The following DNM1 variants were observed in gnomAD, a reference collection of about 807,000 sequenced individuals.
DNM1 encodes dynamin-1.
Under a neutral mutation model 104.6 loss-of-function variants are expected in DNM1, and 29 were observed. The observed-to-expected ratio is 0.28, with a 90% CI of 0.21 to 0.38. DNM1 has a LOEUF of 0.38. DNM1 is among the 10% of genes least tolerant of loss of function. The pLI, the probability that DNM1 is intolerant of heterozygous loss-of-function variation, is 1.00. For synonymous variants in DNM1, 445 were observed against 475.8 expected (o/e 0.94, Z 0.84); for missense variants, 640 against 1,189.4 (o/e 0.54, Z 6.79).
rs1258585933 is a variant in DNM1 at position 128,234,576 on chromosome 9, G to A, written c.1422+469G>A. Among the ~76,000 whole-genome samples, 3 of 152,284 alleles carry A rather than the reference G, an allele frequency of 2.0e-5. No individual in the cohort carries two copies. The South Asian group carries it at 6.2e-4, about 32-fold the overall frequency. ...TTTAGTACAGACAGGGTTTCACCAC[G>A]TTGGCCAGGCTGGTCTCAAACTCCT... is the stretch of plus-strand genomic sequence containing the variant. On this transcript the variant is annotated intron_variant, in intron 11 of 21. Coordinates refer to ENST00000372923, the MANE Select transcript of DNM1 (RefSeq NM_004408.4).
intron 15 of DNM1, among the ~76,000 whole-genome samples, chr9:128,244,276 G>A (rs1008654095): frequency 2.0e-5 from 3 of 151,856 alleles, no homozygotes; most frequent in East Asian, 1.9e-4. Flanking sequence ...GTGTGTGTCC[G>A]TGTGGGACAT....
chr9:128,226,218 T>C, intron 10 of DNM1: 2 of 1,607,828 alleles, frequency 1.2e-6, no homozygotes, highest in Non-Finnish European at 1.7e-6. Flanking sequence ...CGTCCATTCC[T>C]TGTGGCCACA....
chr9:128,210,779 T>C (rs2502728), intron 1 of DNM1, among the ~76,000 whole-genome samples: 77,406 of 151,868 alleles, frequency 0.51, 22,458 homozygotes, highest in South Asian at 0.68. Flanking sequence ...CTTTTCCATG[T>C]TTCTGTCTAC....
At chr9:128,250,557 G>A (rs1443420210) in intron 20 of DNM1, among the ~76,000 whole-genome samples, 168 bp from the exon 21 acceptor site, 1 of 152,130 alleles carries the variant, frequency 6.6e-6, no homozygotes, top group Non-Finnish European at 1.5e-5. Context: ...GAGCTGGGGC[G>A]TTGGCGCCGC....
At position 128,224,341 on chromosome 9, in the gene DNM1, C is replaced by T. The variant is rs774385257; in HGVS notation, c.1287C>T (p.Asp429=). 6.2e-7 allele frequency: 1 copy of T among 1,614,028 alleles called. No individual in the cohort carries two copies. Among genetic ancestry groups the T allele is most frequent in the African/African-American group, 1.3e-5 (1 of 75,032 alleles). ...GAGAACCGTGTCTCAAGTGTGTGGA[C>T]ATGGTTATCTCGGAGCTAATCAGCA... The part of the protein sequence containing the change: ...KIREPCLKCV[D]MVISELISTV... The change falls in exon 10 of 22, where the codon GAC becomes GAT. Residue 429 remains aspartate, a synonymous_variant. Coordinates refer to ENST00000372923, the MANE Select transcript of DNM1 (RefSeq NM_004408.4). This position sits in a 1 kb window ranked among gnomAD's most constrained non-coding sequence, Gnocchi z 4.3.
chr9:128,238,064 C>T lies in DNM1; in HGVS notation c.1423-1381C>T, dbSNP rs539002249. Among the ~76,000 whole-genome samples the T allele has an allele frequency of 1.5e-3, 230 of 151,288 alleles. 1 individual carries two copies. Among genetic ancestry groups the T allele is most frequent in the Non-Finnish European group, 3.0e-3 (202 of 67,706 alleles). On this transcript the variant is annotated intron_variant, in intron 11 of 21. Transcript: ENST00000372923. ...TGCTGGGATTACAGGCATGAGCCAC[C>T]ATTCCCTGCCCTGTGCATTTTAATG...
At chr9:128,219,023 G>T in intron 3 of DNM1, 26 bp from the exon 4 acceptor site, 6 of 1,611,882 alleles carry the variant, frequency 3.7e-6, no homozygotes, top group Non-Finnish European at 4.2e-6. Flanking sequence ...CTCGCCTTGA[G>T]CCCGCCCTCT....
intron 10 of DNM1, among the ~76,000 whole-genome samples, chr9:128,227,009 C>CTTTTTTTTTTT (rs369464140): frequency 2.0e-5 from 2 of 101,770 alleles, no homozygotes; most frequent in Non-Finnish European, 1.9e-5. Context: ...ATCTCCATTC[C>CTTTTTTTTTTT]TTTTTTTTTT....
At chr9:128,235,234 G>T (rs1835938733) in intron 11 of DNM1, among the ~76,000 whole-genome samples, 1 of 151,988 alleles carries the variant, frequency 6.6e-6, no homozygotes, top group African/African-American at 2.4e-5. Context: ...GGTGGCTCAT[G>T]CCTGTAATCC....
intron 19 of DNM1, 87 bp from the exon 20 acceptor site, chr9:128,250,028 G>C: frequency 6.3e-7 from 1 of 1,598,904 alleles, no homozygotes; most frequent in African/African-American, 1.3e-5. Flanking sequence ...AGCCACACCA[G>C]CTCACAGTCC....
In DNM1 at chr9:128,203,757, C is replaced by T. The variant is rs373421556; in HGVS notation, c.161+126C>T. The T allele has an allele frequency of 5.6e-6, 5 of 890,166 alleles. No homozygotes were observed. The highest frequency in any genetic ancestry group is 3.9e-5 in the East Asian group (1 of 25,572). 55.1% of individuals were successfully genotyped at this position (890,166 alleles called of 1,614,324 possible). A position where few individuals can be genotyped will look rare whatever the true frequency, so the allele number is the denominator to read the frequency against. On this transcript the variant is annotated intron_variant, in intron 1 of 21. Transcript: ENST00000372923. The surrounding 1 kb of genome is among the most constrained non-coding windows in gnomAD (Gnocchi z 5.3). ...CTGCACCCGCGGCCGGCGCGCCCCC[C>T]ACCCCCAGCCGGAGCGAGGAGGCCC...
chr9:128,240,026 G>A lies in DNM1; in HGVS notation c.1557+30G>A. The stretch of plus-strand genomic sequence containing the variant: ...GTACCAGGACTGGGGCTCTCGGCTT[G>A]TGTAGTGAGGGGGCGGAGGGTCCAT... On this transcript the variant is annotated intron_variant, in intron 14 of 21. Coordinates refer to ENST00000372923, the MANE Select transcript of DNM1 (RefSeq NM_004408.4). This position sits in a 1 kb window ranked among gnomAD's most constrained non-coding sequence, Gnocchi z 5.1. The A allele has an allele frequency of 1.2e-6, 2 of 1,613,922 alleles. No homozygotes were observed. Among genetic ancestry groups the A allele is most frequent in the Non-Finnish European group, 1.7e-6 (2 of 1,179,854 alleles).
chr9:128,208,058 CT>C (rs1321513697), intron 1 of DNM1, among the ~76,000 whole-genome samples: 14 of 123,212 alleles, frequency 1.1e-4, no homozygotes, highest in South Asian at 1.1e-3. Flanking sequence ...TCTTTTTTTT[CT>C]TTTTTTTTTC....
chr9:128,205,118 G>A (rs999391152), intron 1 of DNM1, among the ~76,000 whole-genome samples: 2 of 152,188 alleles, frequency 1.3e-5, no homozygotes, highest in Non-Finnish European at 2.9e-5. Context: ...GGCTCCTGCA[G>A]AGCCCCCCTT....
At chr9:128,215,231 C>T (rs1834533940) in intron 1 of DNM1, among the ~76,000 whole-genome samples, 1 of 152,224 alleles carries the variant, frequency 6.6e-6, no homozygotes, top group African/African-American at 2.4e-5. Flanking sequence ...ATGAAGGAGC[C>T]AGCCTGGCAC....
At chr9:128,242,177 C>T in intron 14 of DNM1, 55 bp from the exon 15 acceptor site, 1 of 1,002,140 alleles carries the variant, frequency 1.0e-6, no homozygotes. Flanking sequence ...CTACCCCATC[C>T]CCCATGGGGA....
At chr9:128,214,787 C>T (rs1013784884) in intron 1 of DNM1, among the ~76,000 whole-genome samples, 3 of 152,238 alleles carry the variant, frequency 2.0e-5, no homozygotes, top group Admixed American at 1.3e-4. Flanking sequence ...TGCCAGCAGC[C>T]GCCCCTCCCA....
At chr9:128,212,906 C>A (rs1834386691) in intron 1 of DNM1, among the ~76,000 whole-genome samples, 1 of 152,200 alleles carries the variant, frequency 6.6e-6, no homozygotes, top group African/African-American at 2.4e-5. Flanking sequence ...AAAAAGAAAT[C>A]TTGTGCTGAT....
In DNM1 at chr9:128,224,257, G is replaced by A. The variant is rs780273777; in HGVS notation, c.1203G>A (p.Gly401=). ...TCCCGCTCCGGGCGTTCAGAACGGG[G>A]CTGTTTACCCCAGACATGGCCTTTG... ...AIKNIHGIRT[G]LFTPDMAFET... Residue 401 remains glycine (G), a synonymous_variant, in exon 10 of 22, where the codon GGG becomes GGA. Coordinates refer to ENST00000372923, the MANE Select transcript of DNM1 (RefSeq NM_004408.4). The surrounding 1 kb of genome is among the most constrained non-coding windows in gnomAD (Gnocchi z 4.3). 1 of 1,613,762 alleles carries A rather than the reference G, an allele frequency of 6.2e-7. No individual in the cohort carries two copies. The highest frequency in any genetic ancestry group is 1.3e-5 in the African/African-American group (1 of 75,030).
Sources: allele counts gnomAD v4.1 joint callset (sites outside exome capture counted in the v4.1 genomes callset), GRCh38; gene constraint gnomAD v4.1.1; non-coding constraint Gnocchi (gnomAD v3.1); transcripts MANE v1.5; gene names NCBI Gene and HGNC (gene_info 2026-07-23, HGNC 2026-07-21).